C16orf74: variants seen among roughly 807,000 people sequenced by gnomAD.
C16orf74 encodes the protein calcimembrin, also known as uncharacterized protein C16orf74.
C16orf74 carries 10 observed loss-of-function variants against 6.5 expected under a neutral mutation model. The observed-to-expected ratio is 1.54, with a 90% CI of 0.95 to 2.61. The LOEUF (loss-of-function observed/expected upper bound fraction) is 2.61, where lower values mean the gene tolerates loss of function less well. Ranked by LOEUF, C16orf74 falls within the 30% of genes most tolerant of loss-of-function variation. The pLI, the probability that C16orf74 is intolerant of heterozygous loss-of-function variation, is 0.00. For missense variants in C16orf74, 141 were observed against 105.9 expected (o/e 1.33, Z -1.45); for synonymous variants, 60 against 42.5 (o/e 1.41, Z -1.60).
chr16:85,711,332 A>T (rs951525213), intron 2 of C16orf74, among the ~76,000 whole-genome samples: 47 of 144,986 alleles, frequency 3.2e-4, no homozygotes, highest in Non-Finnish European at 5.5e-4. Context: ...AAAAAAAAAA[A>T]GGCTGGGCGT....
chr16:85,742,501 G>T (rs1444689709), intron 1 of C16orf74, among the ~76,000 whole-genome samples: 1 of 152,114 alleles, frequency 6.6e-6, no homozygotes, highest in East Asian at 1.9e-4. Flanking sequence ...CACCATCCTG[G>T]CGCCATGTTT....
chr16:85,742,513 T>C (rs967243828), intron 1 of C16orf74, among the ~76,000 whole-genome samples: 8 of 152,194 alleles, frequency 5.3e-5, no homozygotes, highest in African/African-American at 1.7e-4. Flanking sequence ...GCCATGTTTC[T>C]TGTCCAGCAT....
At chr16:85,711,101 G>T (rs1370616976) in intron 2 of C16orf74, among the ~76,000 whole-genome samples, 4 of 152,080 alleles carry the variant, frequency 2.6e-5, no homozygotes, top group Admixed American at 6.6e-5. Context: ...ATCACTTGAG[G>T]TCAGGAGTTC....
At chr16:85,714,635 G>C (rs1380082361) in intron 2 of C16orf74, among the ~76,000 whole-genome samples, 5 of 151,122 alleles carry the variant, frequency 3.3e-5, no homozygotes, top group Non-Finnish European at 5.9e-5. Flanking sequence ...GGCCAGGCTG[G>C]TCTCGAACTC....
intron 1 of C16orf74, among the ~76,000 whole-genome samples, chr16:85,740,950 C>G (rs1008126095): frequency 5.9e-5 from 9 of 151,896 alleles, no homozygotes; most frequent in Non-Finnish European, 8.8e-5. Context: ...TGAATACGTG[C>G]AGGGAGAGAT....
At chr16:85,734,713 C>G (rs984901642) in intron 2 of C16orf74, among the ~76,000 whole-genome samples, 1 of 152,240 alleles carries the variant, frequency 6.6e-6, no homozygotes, top group Admixed American at 6.5e-5. Flanking sequence ...GGACAGAAGT[C>G]TGGGCTGCCT....
At chr16:85,738,617 C>T (rs978444833) in intron 1 of C16orf74, among the ~76,000 whole-genome samples, 1 of 151,962 alleles carries the variant, frequency 6.6e-6, no homozygotes, top group Non-Finnish European at 1.5e-5. Flanking sequence ...AGGTGTGAGC[C>T]ACCGCGCCGG....
intron 1 of C16orf74, among the ~76,000 whole-genome samples, chr16:85,739,194 A>G (rs1162771655): frequency 1.3e-5 from 2 of 152,150 alleles, no homozygotes; most frequent in Non-Finnish European, 2.9e-5. Flanking sequence ...AAAGCTGCAC[A>G]GAGCCCCAGG....
intron 1 of C16orf74, among the ~76,000 whole-genome samples, chr16:85,747,154 C>T (rs978652986): frequency 1.3e-5 from 2 of 152,154 alleles, no homozygotes; most frequent in Admixed American, 6.5e-5. Context: ...CTCTGGGCCA[C>T]CGTGAAATAA....
chr16:85,742,395 A>G (rs1598808187), intron 1 of C16orf74, among the ~76,000 whole-genome samples: 1 of 151,954 alleles, frequency 6.6e-6, no homozygotes, highest in African/African-American at 2.4e-5. Context: ...AGAGCCTGGC[A>G]CCTTCCCTGC....
intron 1 of C16orf74, among the ~76,000 whole-genome samples, chr16:85,746,315 A>G (rs1275999045): frequency 6.6e-6 from 1 of 152,116 alleles, no homozygotes; most frequent in Non-Finnish European, 1.5e-5. Context: ...GCGCCACTGC[A>G]CTCAAGCCTG....
intron 1 of C16orf74, among the ~76,000 whole-genome samples, chr16:85,737,022 G>A (rs1018642744): frequency 5.9e-5 from 9 of 151,826 alleles, no homozygotes; most frequent in Admixed American, 2.6e-4. Context: ...CAGCCTGGGC[G>A]ACAGAGTGAG....
intron 2 of C16orf74, among the ~76,000 whole-genome samples, chr16:85,716,808 G>A (rs2054030086): frequency 6.6e-6 from 1 of 152,122 alleles, no homozygotes; most frequent in South Asian, 2.1e-4. Context: ...AAACAGGAGG[G>A]AAAGCTCTCA....
intron 1 of C16orf74, among the ~76,000 whole-genome samples, chr16:85,735,558 C>T (rs553231695): frequency 1.3e-5 from 2 of 152,128 alleles, no homozygotes; most frequent in South Asian, 2.1e-4. Flanking sequence ...GATGGGGAAC[C>T]GACACCACCA....
At chr16:85,746,888 C>G (rs758636566) in intron 1 of C16orf74, among the ~76,000 whole-genome samples, 1 of 152,180 alleles carries the variant, frequency 6.6e-6, no homozygotes, top group African/African-American at 2.4e-5. Context: ...CAACTCCAGC[C>G]AAAGGAACTG....
chr16:85,749,121 T>C (rs974889331), intron 1 of C16orf74, among the ~76,000 whole-genome samples: 26 of 151,788 alleles, frequency 1.7e-4, no homozygotes, highest in Middle Eastern at 3.4e-3. Context: ...TGGGGGATTA[T>C]ACTTAGCAGG....
At chr16:85,709,709 G>A (rs962450238) in intron 3 of C16orf74, among the ~76,000 whole-genome samples, 5 of 152,214 alleles carry the variant, frequency 3.3e-5, no homozygotes, top group Admixed American at 2.6e-4. Flanking sequence ...CTATTTCCTC[G>A]CCGCTCCCAG....
chr16:85,750,413 G>A (rs2054424100), intron 1 of C16orf74, among the ~76,000 whole-genome samples: 1 of 152,216 alleles, frequency 6.6e-6, no homozygotes, highest in African/African-American at 2.4e-5. Flanking sequence ...CGTCCACACG[G>A]GTCGCCCTTC....
rs970375252 is a variant in C16orf74, at chr16:85,732,793, C to T, written c.28+2397G>A. ...TGGGCGAGTGGGGGTGGGCAGGGGCCGGCAGCACCAAAGCCAGCCATGAAA... is the reference window on the plus strand; with the variant it reads ...TGGGCGAGTGGGGGTGGGCAGGGGCTGGCAGCACCAAAGCCAGCCATGAAA... On this transcript the variant is annotated intron_variant, in intron 2 of 3. Coordinates refer to ENST00000284245, the MANE Select transcript of C16orf74 (RefSeq NM_206967.3). Among the ~76,000 whole-genome samples, 5 of 151,892 alleles carry T rather than the reference C, an allele frequency of 3.3e-5. No homozygotes were observed. In the East Asian group the frequency reaches 5.8e-4, roughly 18 times the overall value.
Sources: allele counts gnomAD v4.1 joint callset (sites outside exome capture counted in the v4.1 genomes callset), GRCh38; gene constraint gnomAD v4.1.1; transcripts MANE v1.5; gene names NCBI Gene and HGNC (gene_info 2026-07-23, HGNC 2026-07-21).